The following CNTNAP2 variants were observed in gnomAD, a reference collection of about 807,000 sequenced individuals.
The protein encoded by CNTNAP2 is contactin-associated protein-like 2.
A neutral mutation model predicts 155.2 loss-of-function variants in CNTNAP2; 98 were observed. The ratio of observed to expected loss-of-function variants is 0.63; its 90% CI spans 0.54 to 0.75. The LOEUF (loss-of-function observed/expected upper bound fraction) is 0.75, where lower values mean the gene tolerates loss of function less well. CNTNAP2 is among the 30% of genes least tolerant of loss of function. CNTNAP2 has a pLI of 0.00. For synonymous variants in CNTNAP2, 651 were observed against 631.2 expected (o/e 1.03, Z -0.47); for missense variants, 1,727 against 1,688.1 (o/e 1.02, Z -0.40).
At chr7:147,335,876 AAAAAT>A (rs10544280) in intron 9 of CNTNAP2, among the ~76,000 whole-genome samples, 57,952 of 151,712 alleles carry the variant, frequency 0.38, 11,418 homozygotes, top group South Asian at 0.49. Context: ...TGATGTGAAA[AAAAAT>A]AAAATTTAGC....
At chr7:146,954,567 T>C (rs1797393653) in intron 3 of CNTNAP2, among the ~76,000 whole-genome samples, 1 of 151,958 alleles carries the variant, frequency 6.6e-6, no homozygotes, top group Non-Finnish European at 1.5e-5. Context: ...AACTTTATAT[T>C]GTAATTGATG....
At chr7:147,004,870 T>C (rs530973917) in intron 3 of CNTNAP2, among the ~76,000 whole-genome samples, 3 of 152,208 alleles carry the variant, frequency 2.0e-5, no homozygotes, top group African/African-American at 7.2e-5. Context: ...ATATGGAATA[T>C]ACTGGAAAAT....
At chr7:147,332,408 T>G (rs2116843859) in intron 9 of CNTNAP2, among the ~76,000 whole-genome samples, 1 of 152,300 alleles carries the variant, frequency 6.6e-6, no homozygotes, top group East Asian at 1.9e-4. Flanking sequence ...TCCTTTCTGC[T>G]TTCTTCATCA....
At chr7:146,533,570 A>G (rs1797802105) in intron 1 of CNTNAP2, among the ~76,000 whole-genome samples, 1 of 152,170 alleles carries the variant, frequency 6.6e-6, no homozygotes, top group African/African-American at 2.4e-5. Context: ...TCTTATAAAC[A>G]CTACCCTTTG....
intron 21 of CNTNAP2, among the ~76,000 whole-genome samples, chr7:148,314,850 C>T (rs574000007): frequency 3.1e-4 from 47 of 152,244 alleles, no homozygotes; most frequent in African/African-American, 1.0e-3. Context: ...GATTAAACAC[C>T]AAGGGAAGAC....
chr7:146,389,725 G>C (rs1449907890), intron 1 of CNTNAP2, among the ~76,000 whole-genome samples: 1 of 132,798 alleles, frequency 7.5e-6, no homozygotes, highest in Non-Finnish European at 1.6e-5. Context: ...TTTTGAGACA[G>C]AGTCTTACTC....
rs116198741 is a variant in CNTNAP2 at position 147,529,378 on chromosome 7, A to G, written c.1778-32760A>G. On this transcript the variant is annotated intron_variant, in intron 11 of 23. Coordinates refer to ENST00000361727, the MANE Select transcript of CNTNAP2 (RefSeq NM_014141.6). ...CCTTCCATTATTCATTCATTTATTGATATTACTATATTATAGGCACTGTGC... is the reference window on the plus strand; with the variant it reads ...CCTTCCATTATTCATTCATTTATTGGTATTACTATATTATAGGCACTGTGC... Among the ~76,000 whole-genome samples, 806 of 152,248 alleles carry G rather than the reference A, an allele frequency of 5.3e-3. 6 individuals are homozygous for G. The highest frequency in any genetic ancestry group is 0.018 in the African/African-American group (761 of 41,554).
intron 1 of CNTNAP2, among the ~76,000 whole-genome samples, chr7:146,118,278 T>A (rs956184453): frequency 7.9e-5 from 12 of 152,182 alleles, no homozygotes; most frequent in African/African-American, 2.9e-4. Context: ...TAACTGGCAA[T>A]CTAAGTTTGT....
chr7:147,315,259 T>C (rs1166055213), intron 9 of CNTNAP2, among the ~76,000 whole-genome samples: 2 of 141,654 alleles, frequency 1.4e-5, no homozygotes, highest in African/African-American at 2.6e-5. Context: ...GCTATAAAAT[T>C]CACCATTTAA....
chr7:147,377,110 T>C (rs1263205012), intron 9 of CNTNAP2, among the ~76,000 whole-genome samples: 1 of 151,324 alleles, frequency 6.6e-6, no homozygotes, highest in East Asian at 2.0e-4. Flanking sequence ...TGCTTTTTCT[T>C]TTTGATTTTC....
intron 1 of CNTNAP2, among the ~76,000 whole-genome samples, chr7:146,468,072 C>G (rs1334188328): frequency 6.6e-6 from 1 of 152,024 alleles, no homozygotes; most frequent in Non-Finnish European, 1.5e-5. Flanking sequence ...TCTTGATAGA[C>G]AGTATAGAAA....
intron 21 of CNTNAP2, among the ~76,000 whole-genome samples, chr7:148,364,211 T>G (rs984181498): frequency 1.3e-5 from 2 of 152,228 alleles, no homozygotes; most frequent in Non-Finnish European, 2.9e-5. Context: ...GGTGCAGGAC[T>G]GGCGGGCAGC....
At chr7:146,488,436 T>C (rs1797090933) in intron 1 of CNTNAP2, among the ~76,000 whole-genome samples, 1 of 152,048 alleles carries the variant, frequency 6.6e-6, no homozygotes, top group East Asian at 1.9e-4. Context: ...AAAAACTGTG[T>C]GAAATCAGGA....
intron 9 of CNTNAP2, among the ~76,000 whole-genome samples, chr7:147,342,265 T>C (rs537909030): frequency 1.3e-5 from 2 of 152,310 alleles, no homozygotes; most frequent in South Asian, 2.1e-4. Flanking sequence ...TAATGGAACA[T>C]GCAATATTTG....
At chr7:146,300,204 A>G (rs910204166) in intron 1 of CNTNAP2, among the ~76,000 whole-genome samples, 2 of 152,234 alleles carry the variant, frequency 1.3e-5, no homozygotes, top group East Asian at 1.9e-4. Flanking sequence ...CCACATGTAG[A>G]GTATAAAATA....
At chr7:147,995,800 A>T (rs1249281353) in intron 15 of CNTNAP2, among the ~76,000 whole-genome samples, 1 of 152,112 alleles carries the variant, frequency 6.6e-6, no homozygotes, top group Non-Finnish European at 1.5e-5. Context: ...GGCATGAGCC[A>T]CTGTGCCCGG....
intron 13 of CNTNAP2, among the ~76,000 whole-genome samples, chr7:147,882,361 A>G (rs1049756093): frequency 3.3e-5 from 5 of 152,200 alleles, no homozygotes; most frequent in African/African-American, 1.2e-4. Flanking sequence ...TGGCTGGAAT[A>G]TGCAGGATCT....
intron 8 of CNTNAP2, among the ~76,000 whole-genome samples, chr7:147,210,601 A>C (rs1323464366): frequency 6.6e-6 from 1 of 151,610 alleles, no homozygotes; most frequent in Non-Finnish European, 1.5e-5. Flanking sequence ...TTCAGTTCTC[A>C]GATTTTAGTT....
At chr7:146,934,693 T>C (rs935719741) in intron 3 of CNTNAP2, among the ~76,000 whole-genome samples, 3 of 152,216 alleles carry the variant, frequency 2.0e-5, no homozygotes, top group Middle Eastern at 3.2e-3. Flanking sequence ...ATGGTATTTT[T>C]ATACTATTTT....
Sources: gnomAD v4.1 joint callset for allele counts (sites outside exome capture counted in the v4.1 genomes callset) on GRCh38, gnomAD v4.1.1 for gene constraint, MANE v1.5 for transcripts, NCBI Gene and HGNC (gene_info 2026-07-23, HGNC 2026-07-21) for gene names.